SLC12A3: variants seen among roughly 807,000 people sequenced by gnomAD.
SLC12A3 encodes the protein solute carrier family 12 member 3.
In SLC12A3, 104 loss-of-function variants were observed where a neutral mutation model predicts 121.0. The observed-to-expected ratio is 0.86, with a 90% CI of 0.73 to 1.01. SLC12A3 has a LOEUF of 1.01. Among genes scored for constraint, SLC12A3 ranks in the 50% least tolerant of loss-of-function variants. The pLI is 0.00. For missense variants in SLC12A3, 1,328 were observed against 1,356.3 expected (o/e 0.98, Z 0.33); for synonymous variants, 536 against 533.4 (o/e 1.00, Z -0.07).
intron 6 of SLC12A3, 51 bp downstream of exon 6, chr16:56,870,787 G>A (rs536248784): frequency 5.9e-5 from 70 of 1,181,680 alleles, no homozygotes; most frequent in Middle Eastern, 2.0e-4. Context: ...GTGGAGAAGC[G>A]GGGGTTGCCA....
chr16:56,901,347 C>CTTTTTTTTTT (rs113592874), intron 23 of SLC12A3, among the ~76,000 whole-genome samples: 22,209 of 127,252 alleles, frequency 0.17, 2,535 homozygotes, highest in East Asian at 0.24. Context: ...CTCTCTCTCT[C>CTTTTTTTTTT]TTTTTTTTTT....
Position 56,879,241 on chromosome 16 carries a change from A to G in SLC12A3, c.1335+14A>G. The G allele has an allele frequency of 1.2e-6, 2 of 1,613,540 alleles. No homozygotes were observed. Among genetic ancestry groups the G allele is most frequent in the Non-Finnish European group, 1.7e-6 (2 of 1,179,982 alleles). On this transcript the variant is annotated intron_variant, in intron 10 of 25. Transcript: ENST00000563236. ...AACTATTACCAGGTACTGCCAGGAG[A>G]GCTGACCCACCAGACACAGTGGGGG...
At chr16:56,906,597 C>G in intron 25 of SLC12A3, 1 of 331,728 alleles carries the variant, frequency 3.0e-6, no homozygotes, top group Non-Finnish European at 5.6e-6. Context: ...TCAGAGGAAA[C>G]AAATGGTCGT....
intron 12 of SLC12A3, among the ~76,000 whole-genome samples, chr16:56,882,142 G>A (rs1413484899): frequency 6.6e-6 from 1 of 152,162 alleles, no homozygotes; most frequent in African/African-American, 2.4e-5. Flanking sequence ...GCCTGATGGG[G>A]TCTACTCTCA....
In SLC12A3 at chr16:56,913,543, A is replaced by G. The variant is rs549700600; in HGVS notation, c.*138A>G. On this transcript the variant is annotated 3_prime_UTR_variant, in exon 26 of 26. Coordinates refer to ENST00000563236, the MANE Select transcript of SLC12A3 (RefSeq NM_001126108.2). Reference sequence around the variant, plus strand: ...GCATCTGATGATCTCACCGAAAAAGATGGTAGATTTCCAAATCTGGCTGGA... The same window carrying G: ...GCATCTGATGATCTCACCGAAAAAGGTGGTAGATTTCCAAATCTGGCTGGA... The G allele has an allele frequency of 2.2e-6, 2 of 926,962 alleles. No homozygotes were observed. The highest frequency in any genetic ancestry group is 2.7e-5 in the South Asian group (2 of 75,374). The allele number at this position is 926,962 out of a possible 1,614,324, so 57.4% of individuals were successfully genotyped here.
Position 56,872,359 on chromosome 16 carries a change from G to A in SLC12A3, c.861G>A (p.Val287=), listed in dbSNP as rs387907473. 1 of 1,613,558 alleles carries A rather than the reference G, an allele frequency of 6.2e-7. No homozygotes were observed. Among genetic ancestry groups the A allele is most frequent in the Non-Finnish European group, 8.5e-7 (1 of 1,179,634 alleles). The stretch of plus-strand genomic sequence containing the variant: ...TCCTTCGCCCCCTCCAGGCCCAGGT[G>A]CTGTTCTTCCTTGTCATCATGGTCT... ...AGMEWESKAQ[V]LFFLVIMVSF... The change falls in exon 7 of 26, where the codon GTG becomes GTA. Residue 287 remains valine (V), a synonymous_variant. Coordinates refer to ENST00000563236, the MANE Select transcript of SLC12A3 (RefSeq NM_001126108.2).
chr16:56,892,153 T>C lies in SLC12A3; in HGVS notation c.2419+20T>C. ...CCAGAGGTGCCAGGCCATCAGTCTC[T>C]GGCGCTTGTCAGTGTTCCCACTCAG... On this transcript the variant is annotated intron_variant, in intron 20 of 25. Coordinates refer to ENST00000563236, the MANE Select transcript of SLC12A3 (RefSeq NM_001126108.2). 6.2e-7 allele frequency: 1 copy of C among 1,612,838 alleles called. No homozygotes were observed. The highest frequency in any genetic ancestry group is 8.5e-7 in the Non-Finnish European group (1 of 1,179,044).
At position 56,873,393 on chromosome 16, in the gene SLC12A3, T is replaced by C. The variant is rs1195471697; in HGVS notation, c.1095+607T>C. ...TTCTTTCTTTTTTTTTTTTTTTTTT[T>C]TTTTTTTTTTGAGATGGAGTTTTGC... On this transcript the variant is annotated intron_variant, in intron 8 of 25. Transcript: ENST00000563236. Among the ~76,000 whole-genome samples, 117 of 131,746 alleles carry C rather than the reference T, an allele frequency of 8.9e-4. 2 individuals are homozygous for C. The East Asian group carries it at 0.018, about 21-fold the overall frequency. 86.4% of individuals were successfully genotyped at this position (131,746 alleles called of 152,430 possible). A position where few individuals can be genotyped will look rare whatever the true frequency, so the allele number is the denominator to read the frequency against.
intron 25 of SLC12A3, among the ~76,000 whole-genome samples, chr16:56,905,338 C>CAAAAAAAA (rs59206129): frequency 2.0e-5 from 1 of 50,748 alleles, no homozygotes; most frequent in African/African-American, 6.8e-5. Context: ...AACTCCGTCT[C>CAAAAAAAA]AAAAAAAAAA....
chr16:56,872,332 G>A lies in SLC12A3; in HGVS notation c.853-19G>A, dbSNP rs778298422. 6.4e-7 allele frequency: 1 copy of A among 1,574,686 alleles called. No individual in the cohort carries two copies. Among genetic ancestry groups the A allele is most frequent in the Non-Finnish European group, 8.7e-7 (1 of 1,144,748 alleles). Reference sequence around the variant, plus strand: ...TAGAACAAAACTATCTGACCTCTGGGGTCCTTCGCCCCCTCCAGGCCCAGG... The same window carrying A: ...TAGAACAAAACTATCTGACCTCTGGAGTCCTTCGCCCCCTCCAGGCCCAGG... On this transcript the variant is annotated intron_variant, in intron 6 of 25. Coordinates refer to ENST00000563236, the MANE Select transcript of SLC12A3 (RefSeq NM_001126108.2).
intron 8 of SLC12A3, among the ~76,000 whole-genome samples, chr16:56,876,178 G>A (rs148669009): frequency 2.4e-3 from 371 of 152,154 alleles, no homozygotes; most frequent in Non-Finnish European, 4.0e-3. Context: ...GTCTCACGTG[G>A]CCTTCTTTCA....
rs2055314200 is a variant in SLC12A3 at position 56,886,547 on chromosome 16, A to G, written c.2037+72A>G. The G allele has an allele frequency of 9.6e-6, 13 of 1,353,554 alleles. 1 individual carries two copies. The South Asian group carries it at 1.4e-4, about 15-fold the overall frequency. 83.8% of individuals were successfully genotyped at this position (1,353,554 alleles called of 1,614,324 possible). A position where few individuals can be genotyped will look rare whatever the true frequency, so the allele number is the denominator to read the frequency against. On this transcript the variant is annotated intron_variant, in intron 16 of 25. Coordinates refer to ENST00000563236, the MANE Select transcript of SLC12A3 (RefSeq NM_001126108.2). ...TGCCTGTAAACCCAGCACTCTGGGG[A>G]GCCAAGACAGGTGGATCACCCGAGG...
chr16:56,891,952 C>T (rs750074891), intron 19 of SLC12A3, 131 bp from the exon 20 acceptor site: 13 of 760,292 alleles, frequency 1.7e-5, no homozygotes, highest in African/African-American at 1.2e-4. Context: ...AGGCCAGGTG[C>T]AGTGGGGCTG....
At chr16:56,886,663 C>T (rs935551926) in intron 16 of SLC12A3, among the ~76,000 whole-genome samples, 188 bp downstream of exon 16, 17 of 152,210 alleles carry the variant, frequency 1.1e-4, no homozygotes, top group African/African-American at 3.9e-4. Context: ...CGAGGGGATG[C>T]GGAGCAAGGG....
At position 56,879,155 on chromosome 16, in the gene SLC12A3, C is replaced by A; in HGVS notation, c.1263C>A (p.Cys421Ter). The A allele has an allele frequency of 6.2e-7, 1 of 1,613,782 alleles. No individual in the cohort carries two copies. The highest frequency in any genetic ancestry group is 1.1e-5 in the South Asian group (1 of 91,074). ...GGGGTGCCTGCGAGGGGCTGGCCTG[C>A]AGCTATGGCTGGAACTTCACCGAGT... ...PGWGACEGLA[C>*]SYGWNFTECT... Residue 421 changes from cysteine to a stop codon, truncating the protein, a stop_gained, in exon 10 of 26, where the codon TGC becomes TGA. Transcript: ENST00000563236. LOFTEE classifies it high-confidence loss of function.
rs189666239 is a variant in SLC12A3, at chr16:56,891,309, C to T, written c.2369-774C>T. ...ATCGCTTGAGGCCAGGAGTTTGAGG[C>T]TGCAGTGAGCCGTGATTGCACCACT... is the stretch of plus-strand genomic sequence containing the variant. On this transcript the variant is annotated intron_variant, in intron 19 of 25. Transcript: ENST00000563236. Among the ~76,000 whole-genome samples, 174 of 140,326 alleles carry T rather than the reference C, an allele frequency of 1.2e-3. 1 individual carries two copies. Among genetic ancestry groups the T allele is most frequent in the Non-Finnish European group, 2.1e-3 (142 of 66,372 alleles). 92.1% of individuals were successfully genotyped at this position (140,326 alleles called of 152,430 possible).
Position 56,887,747 on chromosome 16 carries a change from T to G in SLC12A3, c.2179-178T>G, listed in dbSNP as rs570648020. Among the ~76,000 whole-genome samples, 3 of 143,848 alleles carry G rather than the reference T, an allele frequency of 2.1e-5. 1 individual carries two copies. In the South Asian group the frequency reaches 6.5e-4, roughly 31 times the overall value. 94.4% of individuals were successfully genotyped at this position (143,848 alleles called of 152,430 possible). A position where few individuals can be genotyped will look rare whatever the true frequency, so the allele number is the denominator to read the frequency against. The stretch of plus-strand genomic sequence containing the variant: ...ATCTTTCTCCCAATAAAGTTTTGTT[T>G]TGTGCAAAACAAAAATTTTTAAGAT... On this transcript the variant is annotated intron_variant, in intron 17 of 25. Coordinates refer to ENST00000563236, the MANE Select transcript of SLC12A3 (RefSeq NM_001126108.2).
Position 56,908,109 on chromosome 16 carries a change from C to CTTT in SLC12A3, c.2924+3658_2924+3660dup, listed in dbSNP as rs200340853. On this transcript the variant is annotated intron_variant, in intron 25 of 25. Coordinates refer to ENST00000563236, the MANE Select transcript of SLC12A3 (RefSeq NM_001126108.2). The stretch of plus-strand genomic sequence containing the variant: ...CCGATGTCCCCAGTGCCAGTGTGTG[C>CTTT]TTTTTTTTTTTTTAAAGAATGATTG... Among the ~76,000 whole-genome samples the CTTT allele has an allele frequency of 2.1e-4, 27 of 129,282 alleles. No homozygotes were observed. In the South Asian group the frequency reaches 5.8e-3, roughly 28 times the overall value. 84.8% of individuals were successfully genotyped at this position (129,282 alleles called of 152,430 possible). A position where few individuals can be genotyped will look rare whatever the true frequency, so the allele number is the denominator to read the frequency against.
At chr16:56,906,501 T>G (rs1393820574) in intron 25 of SLC12A3, 1 of 189,772 alleles carries the variant, frequency 5.3e-6, no homozygotes, top group Admixed American at 6.0e-5. Context: ...TGAGGGTTTT[T>G]CCTCCCTGGA....
Sources: allele counts gnomAD v4.1 joint callset (sites outside exome capture counted in the v4.1 genomes callset), GRCh38; gene constraint gnomAD v4.1.1; transcripts MANE v1.5; gene names NCBI Gene and HGNC (gene_info 2026-07-23, HGNC 2026-07-21).